Variants in RUNX1T1 observed in about 807,000 individuals in gnomAD.
The protein encoded by RUNX1T1 is protein CBFA2T1.
In RUNX1T1, 4 loss-of-function variants were observed where a neutral mutation model predicts 62.8. The ratio of observed to expected loss-of-function variants is 0.06; its 90% CI spans 0.03 to 0.15. The LOEUF is 0.15. Ranked by LOEUF, RUNX1T1 falls within the 10% of genes least tolerant of loss-of-function variation. RUNX1T1 has a pLI of 1.00. For synonymous variants in RUNX1T1, 291 were observed against 286.0 expected (o/e 1.02, Z -0.18); for missense variants, 508 against 754.3 (o/e 0.67, Z 3.82).
chr8:92,030,942 C>G (rs183886164), intron 1 of RUNX1T1, among the ~76,000 whole-genome samples: 1 of 152,332 alleles, frequency 6.6e-6, no homozygotes, highest in East Asian at 1.9e-4. Flanking sequence ...ACCAAGAGGT[C>G]TCACTGCTTT....
intron 10 of RUNX1T1, among the ~76,000 whole-genome samples, chr8:91,965,453 G>T (rs1206497312): frequency 6.6e-6 from 1 of 152,106 alleles, no homozygotes; most frequent in South Asian, 2.1e-4. Context: ...TAAAGAAAAG[G>T]AATATCTTTT....
intron 1 of RUNX1T1, among the ~76,000 whole-genome samples, chr8:92,029,230 G>A (rs1825801033): frequency 6.6e-6 from 1 of 152,054 alleles, no homozygotes; most frequent in Admixed American, 6.6e-5. Flanking sequence ...TACATTATAG[G>A]CAATGAAAAG....
At chr8:91,958,034 G>C (rs780316901), downstream of RUNX1T1, 8 of 214,480 alleles carry the variant, frequency 3.7e-5, no homozygotes, top group Non-Finnish European at 6.6e-5. Flanking sequence ...CCTTAGGATT[G>C]CCTCTATGCA....
At chr8:91,992,152 G>C (rs949961879) in intron 5 of RUNX1T1, among the ~76,000 whole-genome samples, 4 of 152,108 alleles carry the variant, frequency 2.6e-5, no homozygotes, top group Non-Finnish European at 5.9e-5. Context: ...ATGTGGTTAA[G>C]TCACAAACAA....
chr8:92,060,553 A>ATGTGTGTGTGTGTGTGTGTGTGTGTGTG (rs1271953758), intron 1 of RUNX1T1, among the ~76,000 whole-genome samples: 1 of 63,974 alleles, frequency 1.6e-5, no homozygotes, highest in Non-Finnish European at 3.2e-5. Flanking sequence ...ATATATATAT[A>ATGTGTGTGTGTGTGTGTGTGTGTGTGTG]TGTGTGTGTG....
intron 1 of RUNX1T1, among the ~76,000 whole-genome samples, chr8:92,058,746 T>C (rs1368146046): frequency 6.6e-6 from 1 of 152,218 alleles, no homozygotes; most frequent in Non-Finnish European, 1.5e-5. Flanking sequence ...CAGAAAATTA[T>C]AATTACAGCA....
intron 7 of RUNX1T1, among the ~76,000 whole-genome samples, chr8:91,986,560 A>G (rs112105034): frequency 0.011 from 1,709 of 152,302 alleles, 22 homozygotes; most frequent in African/African-American, 0.039. Flanking sequence ...TTTCACCTGA[A>G]GGCATTATAG....
chr8:92,005,938 C>T (rs969321909), intron 4 of RUNX1T1: 3 of 151,384 alleles, frequency 2.0e-5, no homozygotes, highest in Non-Finnish European at 4.4e-5. Context: ...TAGTAGTCTA[C>T]AAAAGTAAAC....
intron 1 of RUNX1T1, chr8:92,095,479 G>A: frequency 6.5e-7 from 1 of 1,530,850 alleles, no homozygotes; most frequent in Non-Finnish European, 8.7e-7. Context: ...GTGTGTGAGT[G>A]AGTGTGTGAG....
intron 1 of RUNX1T1, among the ~76,000 whole-genome samples, chr8:92,085,946 A>G (rs1486998622): frequency 7.9e-5 from 12 of 152,230 alleles, no homozygotes; most frequent in Admixed American, 7.9e-4. Context: ...TTAGTTTACT[A>G]TCTGTTAATT....
chr8:92,095,397 A>G, intron 1 of RUNX1T1: 1 of 1,535,524 alleles, frequency 6.5e-7, no homozygotes, highest in South Asian at 1.2e-5. Context: ...CGGCACCCAG[A>G]CCGCGGCTTT....
At chr8:91,959,482 GTGTGTGTATATATATATA>G in exon 11 of RUNX1T1, 1 of 171,102 alleles carries the variant, frequency 5.8e-6, no homozygotes, top group African/African-American at 2.7e-5. Flanking sequence ...GTGCGTGTGT[GTGTGTGTATATATATATA>G]TATATATATA....
At chr8:91,979,277 C>T (rs1159223096) in intron 8 of RUNX1T1, among the ~76,000 whole-genome samples, 2 of 152,104 alleles carry the variant, frequency 1.3e-5, no homozygotes, top group African/African-American at 4.8e-5. Flanking sequence ...AAAAACAAAA[C>T]AAGGGACAAT....
intron 1 of RUNX1T1, among the ~76,000 whole-genome samples, chr8:92,051,673 T>C (rs1446874396): frequency 6.6e-6 from 1 of 151,492 alleles, no homozygotes; most frequent in Non-Finnish European, 1.5e-5. Flanking sequence ...AAATGCTCAG[T>C]TCAGACGCGG....
chr8:92,079,911 T>C (rs935177487), intron 1 of RUNX1T1, among the ~76,000 whole-genome samples: 2 of 152,134 alleles, frequency 1.3e-5, no homozygotes, highest in African/African-American at 4.8e-5. Context: ...CCCTCAGGCT[T>C]TAGTTCAAGA....
At chr8:92,021,484 C>A (rs1414165483) in intron 1 of RUNX1T1, among the ~76,000 whole-genome samples, 1 of 152,006 alleles carries the variant, frequency 6.6e-6, no homozygotes, top group Admixed American at 6.6e-5. Context: ...TTCTGCAATG[C>A]CCGAGAATGA....
intron 1 of RUNX1T1, among the ~76,000 whole-genome samples, chr8:92,051,212 A>G (rs181374162): frequency 4.6e-5 from 7 of 152,254 alleles, no homozygotes; most frequent in Non-Finnish European, 1.0e-4. Flanking sequence ...CTCAGCATCT[A>G]TAACAGTGTC....
At chr8:91,980,612 A>C (rs1250006181) in intron 8 of RUNX1T1, among the ~76,000 whole-genome samples, 1 of 152,080 alleles carries the variant, frequency 6.6e-6, no homozygotes, top group African/African-American at 2.4e-5. Flanking sequence ...CCAAGGAAAA[A>C]CTTTACTAGT....
chr8:91,970,566 T>C (rs934502949), intron 10 of RUNX1T1, 92 bp downstream of exon 11: 4 of 1,201,628 alleles, frequency 3.3e-6, no homozygotes, highest in Middle Eastern at 2.1e-4. Context: ...TTTTTCCAAA[T>C]ATTTATCTAA....
Sources: allele counts gnomAD v4.1 joint callset (sites outside exome capture counted in the v4.1 genomes callset), GRCh38; gene constraint gnomAD v4.1.1; transcripts MANE v1.5; gene names NCBI Gene and HGNC (gene_info 2026-07-23, HGNC 2026-07-21).